Variants in KCTD8 observed in about 807,000 individuals in gnomAD.
KCTD8 encodes the protein BTB/POZ domain-containing protein KCTD8.
KCTD8 carries 27 observed loss-of-function variants against 31.5 expected under a neutral mutation model. The ratio of observed to expected loss-of-function variants is 0.86; its 90% CI spans 0.63 to 1.18. KCTD8 has a LOEUF of 1.18. KCTD8 is among the 50% of genes most tolerant of loss of function. The pLI is 0.00. For missense variants in KCTD8, 658 were observed against 647.7 expected (o/e 1.02, Z -0.17); for synonymous variants, 290 against 280.0 (o/e 1.04, Z -0.36).
intron 1 of KCTD8, among the ~76,000 whole-genome samples, chr4:44,430,684 G>A (rs915565147): frequency 2.6e-5 from 4 of 151,626 alleles, no homozygotes; most frequent in African/African-American, 9.7e-5. Context: ...GACAACAGTT[G>A]TAAAAATTCT....
intron 1 of KCTD8, among the ~76,000 whole-genome samples, chr4:44,315,625 G>C (rs192197354): frequency 2.0e-5 from 3 of 152,186 alleles, no homozygotes; most frequent in Non-Finnish European, 2.9e-5. Flanking sequence ...TCCCTAAAAT[G>C]ATTGTTTTCA....
intron 1 of KCTD8, among the ~76,000 whole-genome samples, chr4:44,337,556 C>T (rs963983540): frequency 2.6e-5 from 4 of 151,766 alleles, no homozygotes; most frequent in Non-Finnish European, 5.9e-5. Context: ...TACCTGTAGT[C>T]CCAGCTACTC....
At chr4:44,418,982 T>C (rs541053150) in intron 1 of KCTD8, among the ~76,000 whole-genome samples, 1 of 152,246 alleles carries the variant, frequency 6.6e-6, no homozygotes, top group Admixed American at 6.5e-5. Flanking sequence ...ATTATTTTAC[T>C]ACTCTTTTTA....
chr4:44,270,659 T>C (rs889383583), intron 1 of KCTD8, among the ~76,000 whole-genome samples: 2 of 152,062 alleles, frequency 1.3e-5, no homozygotes, highest in African/African-American at 4.8e-5. Flanking sequence ...TTGCAAAAAA[T>C]ATAGGTGATG....
At chr4:44,185,083 A>C (rs1713539360) in intron 1 of KCTD8, among the ~76,000 whole-genome samples, 1 of 152,248 alleles carries the variant, frequency 6.6e-6, no homozygotes, top group South Asian at 2.1e-4. Context: ...TGAGACATAT[A>C]TTAGAAGAGG....
intron 1 of KCTD8, among the ~76,000 whole-genome samples, chr4:44,251,160 G>T (rs1715819598): frequency 6.6e-6 from 1 of 151,484 alleles, no homozygotes; most frequent in Non-Finnish European, 1.5e-5. Context: ...GAGTTATTTT[G>T]GGGCTCTTTT....
At chr4:44,233,890 A>G (rs942493028) in intron 1 of KCTD8, among the ~76,000 whole-genome samples, 1 of 152,154 alleles carries the variant, frequency 6.6e-6, no homozygotes, top group Non-Finnish European at 1.5e-5. Flanking sequence ...GTTTTAAACA[A>G]TTTACTATTC....
At chr4:44,437,214 C>T (rs780101331) in intron 1 of KCTD8, among the ~76,000 whole-genome samples, 4 of 152,046 alleles carry the variant, frequency 2.6e-5, no homozygotes, top group Non-Finnish European at 5.9e-5. Context: ...GCCCAATGTG[C>T]CTCAAGAAGT....
chr4:44,288,831 G>C (rs1056916118), intron 1 of KCTD8, among the ~76,000 whole-genome samples: 17 of 151,888 alleles, frequency 1.1e-4, no homozygotes, highest in Admixed American at 6.6e-5. Flanking sequence ...TATATACTGA[G>C]AAGTGTATGT....
intron 1 of KCTD8, among the ~76,000 whole-genome samples, chr4:44,221,981 G>T (rs1254785284): frequency 6.6e-6 from 1 of 152,086 alleles, no homozygotes; most frequent in Non-Finnish European, 1.5e-5. Context: ...TGCTTTCTAG[G>T]GGCAAAGAGG....
intron 1 of KCTD8, among the ~76,000 whole-genome samples, chr4:44,407,855 T>G (rs73812276): frequency 1.0e-3 from 153 of 152,288 alleles, no homozygotes; most frequent in African/African-American, 3.5e-3. Context: ...ACCATTATAA[T>G]CGGAATAGTT....
At chr4:44,200,398 A>G (rs1360806172) in intron 1 of KCTD8, among the ~76,000 whole-genome samples, 1 of 152,066 alleles carries the variant, frequency 6.6e-6, no homozygotes, top group Non-Finnish European at 1.5e-5. Flanking sequence ...CACTGACACA[A>G]AAATCCTCAA....
chr4:44,404,550 A>G (rs941631645), intron 1 of KCTD8, among the ~76,000 whole-genome samples: 4 of 152,202 alleles, frequency 2.6e-5, no homozygotes, highest in Non-Finnish European at 5.9e-5. Flanking sequence ...CCCTGTATAG[A>G]GCTTTCCTGA....
At chr4:44,411,350 C>T (rs935251668) in intron 1 of KCTD8, among the ~76,000 whole-genome samples, 6 of 124,874 alleles carry the variant, frequency 4.8e-5, no homozygotes, top group African/African-American at 1.9e-4. Context: ...TGCACTCCAA[C>T]TTGACCAATA....
chr4:44,444,363 CAAAG>C (rs1721887636), intron 1 of KCTD8, among the ~76,000 whole-genome samples: 1 of 152,034 alleles, frequency 6.6e-6, no homozygotes, highest in Admixed American at 6.6e-5. Context: ...AATTCAAATT[CAAAG>C]AAAGAAATTA....
intron 1 of KCTD8, among the ~76,000 whole-genome samples, chr4:44,179,413 A>C (rs1713311008): frequency 6.6e-6 from 1 of 151,090 alleles, no homozygotes. Context: ...TGATTTTAAG[A>C]GCTTTAAAAA....
intron 1 of KCTD8, among the ~76,000 whole-genome samples, chr4:44,327,691 T>C (rs1422316136): frequency 6.6e-6 from 1 of 151,746 alleles, no homozygotes; most frequent in African/African-American, 2.4e-5. Context: ...AACAAAAACC[T>C]TTTCTGTATG....
chr4:44,290,225 T>C (rs1717229401), intron 1 of KCTD8, among the ~76,000 whole-genome samples: 1 of 152,008 alleles, frequency 6.6e-6, no homozygotes, highest in Non-Finnish European at 1.5e-5. Flanking sequence ...AAAAAGGGCA[T>C]TATATAATAA....
chr4:44,383,329 G>A (rs567887757), intron 1 of KCTD8, among the ~76,000 whole-genome samples: 1 of 151,984 alleles, frequency 6.6e-6, no homozygotes, highest in East Asian at 1.9e-4. Context: ...TTTAAAATCT[G>A]TATAAAACCA....
Sources: allele counts gnomAD v4.1 joint callset (sites outside exome capture counted in the v4.1 genomes callset), GRCh38; gene constraint gnomAD v4.1.1; transcripts MANE v1.5; gene names NCBI Gene and HGNC (gene_info 2026-07-23, HGNC 2026-07-21).